CBR4: variants seen among roughly 807,000 people sequenced by gnomAD.
CBR4 encodes the protein 3-oxoacyl-[acyl-carrier-protein] reductase.
CBR4 carries 22 observed loss-of-function variants against 21.0 expected under a neutral mutation model. That is an observed-to-expected ratio of 1.05 (90% CI 0.75 to 1.50). The LOEUF is 1.50. Among genes scored for constraint, CBR4 ranks in the 40% most tolerant of loss-of-function variants. CBR4 has a pLI of 0.00. For missense variants in CBR4, 302 were observed against 286.3 expected (o/e 1.05, Z -0.40); for synonymous variants, 100 against 104.4 (o/e 0.96, Z 0.26).
intron 2 of CBR4, among the ~76,000 whole-genome samples, chr4:168,963,792 T>A (rs1243026049): frequency 6.6e-6 from 1 of 152,108 alleles, no homozygotes; most frequent in African/African-American, 2.4e-5. Flanking sequence ...ATAGCTACTG[T>A]ACCATCAGCC....
chr4:168,910,487 A>C lies in CBR4; in HGVS notation n.170-15722T>G, dbSNP rs574886939. ...AGTAAATTACATTCTAATACCAAGA[A>C]AAATAAAATTCCATTACATAAACAA... On this transcript the variant is annotated intron_variant and non_coding_transcript_variant, in intron 2 of 3. Coordinates refer to the CBR4 transcript ENST00000509108. 9.2e-5 allele frequency among the ~76,000 whole-genome samples: 14 copies of C among 152,298 alleles called. No individual in the cohort carries two copies. In the South Asian group the frequency reaches 2.9e-3, roughly 32 times the overall value.
intron 2 of CBR4, among the ~76,000 whole-genome samples, chr4:168,953,114 G>A (rs1763589421): frequency 6.6e-6 from 1 of 152,200 alleles, no homozygotes; most frequent in Non-Finnish European, 1.5e-5. Flanking sequence ...GGATGTGGGT[G>A]AGGTTCCCAG....
At chr4:168,939,928 G>GA (rs749206280) in intron 2 of CBR4, among the ~76,000 whole-genome samples, 40 of 152,192 alleles carry the variant, frequency 2.6e-4, no homozygotes, top group African/African-American at 8.4e-4. Flanking sequence ...CACAGAATTA[G>GA]AAAAAACTAC....
intron 4 of CBR4, among the ~76,000 whole-genome samples, chr4:168,995,229 C>T (rs1442012227): frequency 6.6e-6 from 1 of 152,148 alleles, no homozygotes; most frequent in Non-Finnish European, 1.5e-5. Flanking sequence ...ATTCAAGAAG[C>T]ACTAACGCTA....
At chr4:168,996,325 T>C (rs1765199977) in intron 4 of CBR4, among the ~76,000 whole-genome samples, 1 of 152,158 alleles carries the variant, frequency 6.6e-6, no homozygotes, top group Admixed American at 6.6e-5. Context: ...AAAAAATTTA[T>C]AAACTTTACA....
intron 2 of CBR4, among the ~76,000 whole-genome samples, chr4:168,961,310 T>G (rs533126483): frequency 6.6e-5 from 10 of 152,324 alleles, no homozygotes; most frequent in Admixed American, 1.3e-4. Context: ...ATGTCTTTTC[T>G]ACATATATAT....
At chr4:168,907,622 A>G (rs1301941745) in intron 2 of CBR4, among the ~76,000 whole-genome samples, 6 of 152,272 alleles carry the variant, frequency 3.9e-5, no homozygotes, top group African/African-American at 9.6e-5. Flanking sequence ...GCCCCAAAAG[A>G]GAGTGGTTAC....
At chr4:168,994,405 C>G (rs1765080630) in intron 4 of CBR4, among the ~76,000 whole-genome samples, 1 of 152,134 alleles carries the variant, frequency 6.6e-6, no homozygotes, top group Non-Finnish European at 1.5e-5. Flanking sequence ...AAACAGGTCA[C>G]GGTGCTGCAG....
At position 168,992,870 on chromosome 4, in the gene CBR4, T is replaced by A. The variant is rs558918923; in HGVS notation, c.536-2542A>T. Among the ~76,000 whole-genome samples, 146 of 152,320 alleles carry A rather than the reference T, an allele frequency of 9.6e-4. 1 individual carries two copies. Among genetic ancestry groups the A allele is most frequent in the African/African-American group, 3.4e-3 (141 of 41,580 alleles). On this transcript the variant is annotated intron_variant, in intron 4 of 4. Transcript: ENST00000306193. ...TAATGAAGGCCTGGAATAACAAAAC[T>A]AATTTTGTATTATGTATGTTTCACT...
intron 2 of CBR4, among the ~76,000 whole-genome samples, chr4:168,951,754 T>C (rs1763546325): frequency 6.6e-6 from 1 of 152,232 alleles, no homozygotes; most frequent in Non-Finnish European, 1.5e-5. Context: ...CAATCCCTTC[T>C]AGCTTGTAGG....
At chr4:168,906,290 A>G (rs530388635) in intron 2 of CBR4, among the ~76,000 whole-genome samples, 1 of 152,368 alleles carries the variant, frequency 6.6e-6, no homozygotes, top group Admixed American at 6.5e-5. Context: ...ATAGAACAAA[A>G]GAACATAAAC....
chr4:168,955,252 G>A lies in CBR4; in HGVS notation n.169+46819C>T, dbSNP rs150413144. The stretch of plus-strand genomic sequence containing the variant: ...CCTTACTGAGAAGTCAATACATGAG[G>A]CCTAATTCTGAAAAATCAAGAAATA... On this transcript the variant is annotated intron_variant and non_coding_transcript_variant, in intron 2 of 3. Transcript: ENST00000509108. Among the ~76,000 whole-genome samples, 235 of 152,214 alleles carry A rather than the reference G, an allele frequency of 1.5e-3. 1 individual carries two copies. Among genetic ancestry groups the A allele is most frequent in the African/African-American group, 5.3e-3 (222 of 41,536 alleles).
In CBR4 at chr4:168,988,008, C is replaced by T. The variant is rs1764751347; in HGVS notation, c.*2142G>A. ...TTATGGGCTCATAGGAGTCAGCAAA[C>T]AGCTACAGATGAGTCTTCTTGTTAA... On this transcript the variant is annotated 3_prime_UTR_variant, in exon 5 of 5. Coordinates refer to ENST00000306193, the MANE Select transcript of CBR4 (RefSeq NM_032783.5). 25 of 985,248 alleles carry T rather than the reference C, an allele frequency of 2.5e-5. No individual in the cohort carries two copies. The highest frequency in any genetic ancestry group is 3.0e-5 in the Non-Finnish European group (25 of 829,892). 61.0% of individuals were successfully genotyped at this position (985,248 alleles called of 1,614,324 possible).
chr4:168,910,079 AT>A (rs1758596395), intron 2 of CBR4, among the ~76,000 whole-genome samples: 1 of 152,146 alleles, frequency 6.6e-6, no homozygotes, highest in African/African-American at 2.4e-5. Context: ...AATGATAACT[AT>A]TCCTTTTTCT....
At chr4:168,936,661 G>A (rs1221498547) in intron 2 of CBR4, among the ~76,000 whole-genome samples, 2 of 152,048 alleles carry the variant, frequency 1.3e-5, no homozygotes, top group Non-Finnish European at 2.9e-5. Context: ...CAGCTGAATC[G>A]ATCAAGTGGA....
chr4:168,964,023 A>G (rs1763943706), intron 2 of CBR4, among the ~76,000 whole-genome samples: 1 of 152,210 alleles, frequency 6.6e-6, no homozygotes, highest in African/African-American at 2.4e-5. Context: ...GACAGGAAAT[A>G]TAGATCATCA....
intron 2 of CBR4, among the ~76,000 whole-genome samples, chr4:168,975,779 G>A (rs1764352572): frequency 6.6e-6 from 1 of 152,104 alleles, no homozygotes; most frequent in Non-Finnish European, 1.5e-5. Flanking sequence ...CTATGTAGTG[G>A]GGAAAGGGTG....
intron 2 of CBR4, among the ~76,000 whole-genome samples, chr4:168,979,342 G>A (rs2126778638): frequency 6.6e-6 from 1 of 152,220 alleles, no homozygotes; most frequent in East Asian, 1.9e-4. Flanking sequence ...AGAGCTTAAG[G>A]ACTATCACAG....
At chr4:168,959,161 T>C (rs6845418) in intron 2 of CBR4, among the ~76,000 whole-genome samples, 105,071 of 152,102 alleles carry the variant, frequency 0.69, 37,666 homozygotes, top group East Asian at 0.96. Flanking sequence ...AGAAGTTCTA[T>C]AGTTTTAGTT....
Sources: gnomAD v4.1 joint callset for allele counts (sites outside exome capture counted in the v4.1 genomes callset) on GRCh38, gnomAD v4.1.1 for gene constraint, MANE v1.5 for transcripts, NCBI Gene and HGNC (gene_info 2026-07-23, HGNC 2026-07-21) for gene names.